CIITA: variants seen among roughly 807,000 people sequenced by gnomAD.
CIITA encodes the protein MHC class II transactivator.
CIITA carries 72 observed loss-of-function variants against 115.1 expected under a neutral mutation model. The ratio of observed to expected loss-of-function variants is 0.63; its 90% CI spans 0.52 to 0.76. The LOEUF (loss-of-function observed/expected upper bound fraction) is 0.76, where lower values mean the gene tolerates loss of function less well. CIITA is among the 30% of genes least tolerant of loss of function. The pLI, the probability that CIITA is intolerant of heterozygous loss-of-function variation, is 0.00. For missense variants in CIITA, 1,617 were observed against 1,463.8 expected (o/e 1.10, Z -1.71); for synonymous variants, 763 against 635.6 (o/e 1.20, Z -3.02).
At position 10,901,647 on chromosome 16, in the gene CIITA, G is replaced by T. The variant is rs576251659; in HGVS notation, c.481+89G>T. 1.5e-6 allele frequency: 2 copies of T among 1,376,124 alleles called. No individual in the cohort carries two copies. Among genetic ancestry groups the T allele is most frequent in the South Asian group, 2.4e-5 (2 of 82,750 alleles). The allele number at this position is 1,376,124 out of a possible 1,614,324, so 85.2% of individuals were successfully genotyped here. A position where few individuals can be genotyped will look rare whatever the true frequency, so the allele number is the denominator to read the frequency against. On this transcript the variant is annotated intron_variant, in intron 6 of 19. Coordinates refer to ENST00000324288, the MANE Select transcript of CIITA (RefSeq NM_000246.4). The surrounding 1 kb of genome is among the most constrained non-coding windows in gnomAD (Gnocchi z 6.8). ...TTGAACTCCTGGCCCAAGTCTGATG[G>T]GGATGGTGCATGGTGCAGCCCCTGC...
At chr16:10,886,546 A>G (rs2036971660) in intron 1 of CIITA, among the ~76,000 whole-genome samples, 1 of 152,142 alleles carries the variant, frequency 6.6e-6, no homozygotes, top group South Asian at 2.1e-4. Context: ...GATATTCTAC[A>G]TGATGCCAGG....
chr16:10,888,674 G>A (rs1441054934), intron 1 of CIITA: 1 of 152,258 alleles, frequency 6.6e-6, no homozygotes. Context: ...GTGGAAGGTG[G>A]TGGCCCAGGG....
chr16:10,889,919 G>C (rs1007832641), intron 1 of CIITA, among the ~76,000 whole-genome samples: 1 of 152,240 alleles, frequency 6.6e-6, no homozygotes, highest in Non-Finnish European at 1.5e-5. Context: ...CCTTGGACAA[G>C]CCATTTCACT....
intron 1 of CIITA, among the ~76,000 whole-genome samples, chr16:10,868,253 C>A (rs1326307281): frequency 6.6e-6 from 1 of 152,188 alleles, no homozygotes; most frequent in Non-Finnish European, 1.5e-5. Context: ...AAGAAGAAAA[C>A]AGACTCTGCC....
chr16:10,895,337 G>A lies in CIITA; in HGVS notation c.108G>A (p.Glu36=). ...ELGPLEGGYL[E]LLNSDADPLC... ...GGCCCCTAGAAGGTGGCTACCTGGA[G>A]CTTCTTAACAGCGATGCTGACCCCC... Residue 36 remains glutamate, a synonymous_variant, in exon 2 of 20, where the codon GAG becomes GAA. Transcript: ENST00000324288. The A allele has an allele frequency of 1.2e-6, 2 of 1,614,092 alleles. No individual in the cohort carries two copies. The highest frequency in any genetic ancestry group is 1.7e-6 in the Non-Finnish European group (2 of 1,180,016).
At chr16:10,916,671 G>C (rs2039970545) in intron 15 of CIITA, 1 of 591,682 alleles carries the variant, frequency 1.7e-6, no homozygotes, top group Non-Finnish European at 3.1e-6. Flanking sequence ...GATTATAGGT[G>C]TGACTTACCA....
At position 10,942,265 on chromosome 16, in the gene CIITA, G is replaced by A; in HGVS notation, n.1391G>A. The A allele has an allele frequency of 8.7e-6, 3 of 343,464 alleles. No homozygotes were observed. The highest frequency in any genetic ancestry group is 1.6e-5 in the Non-Finnish European group (3 of 189,300). 21.3% of individuals were successfully genotyped at this position (343,464 alleles called of 1,614,324 possible). On this transcript the variant is annotated non_coding_transcript_exon_variant, in exon 2 of 2. Transcript: ENST00000573379. The surrounding 1 kb of genome is among the most constrained non-coding windows in gnomAD (Gnocchi z 5.0). Reference sequence around the variant, plus strand: ...GGCGGGCCCCCCTGAAGTGGCCCGCGGCTGCCCGGCTCCCTCGTGGCGCCT... The same window carrying A: ...GGCGGGCCCCCCTGAAGTGGCCCGCAGCTGCCCGGCTCCCTCGTGGCGCCT...
chr16:10,900,678 T>G (rs140314435), intron 5 of CIITA, among the ~76,000 whole-genome samples: 13,028 of 151,522 alleles, frequency 0.086, 611 homozygotes, highest in Middle Eastern at 0.14. Flanking sequence ...AAGCAGAGGT[T>G]GCAGTGAGCC....
At chr16:10,908,995 C>T (rs371266441) in intron 11 of CIITA, 34 bp from the exon 12 acceptor site, 149 of 1,613,706 alleles carry the variant, frequency 9.2e-5, no homozygotes, top group Non-Finnish European at 1.2e-4. Flanking sequence ...CTAGCCTGGT[C>T]ACCGTGCCTG....
chr16:10,893,499 T>A (rs529453527), intron 1 of CIITA, among the ~76,000 whole-genome samples: 1 of 152,146 alleles, frequency 6.6e-6, no homozygotes. Flanking sequence ...TTTATTGAGA[T>A]GTAATTCACA....
Position 10,915,588 on chromosome 16 carries a change from C to G in CIITA, c.2907C>G (p.Gly969=), listed in dbSNP as rs1477443427. ...KLEFALGPVS[G]PQAFPKLVRI... is the part of the protein sequence containing the mutation. The stretch of plus-strand genomic sequence containing the variant: ...CTCCTAGGCTGGGCCCTGTCTCAGG[C>G]CCCCAGGCTTTCCCCAAACTGGTGC... Residue 969 remains glycine (G), a synonymous_variant, in exon 14 of 20, where the codon GGC becomes GGG. Coordinates refer to ENST00000324288, the MANE Select transcript of CIITA (RefSeq NM_000246.4). The G allele has an allele frequency of 6.2e-7, 1 of 1,613,920 alleles. No individual in the cohort carries two copies. Among genetic ancestry groups the G allele is most frequent in the East Asian group, 2.2e-5 (1 of 44,876 alleles).
At chr16:10,905,458 A>T (rs891903204) in intron 10 of CIITA, among the ~76,000 whole-genome samples, 1 of 152,164 alleles carries the variant, frequency 6.6e-6, no homozygotes, top group Admixed American at 6.5e-5. Context: ...TTAGTGAGTA[A>T]ATGAAGGAAT....
Position 10,902,163 on chromosome 16 carries a change from G to A in CIITA, c.607G>A (p.Glu203Lys), listed in dbSNP as rs529296576. ...QEPASGQMRL[E>K]KTDQIPMPFS... ...GCCAGCCTCCGGCCAGATGCGCCTG[G>A]AGAAAACCGACCAGATTCCCAGTAT... The change falls in exon 7 of 20, where the codon GAG becomes AAG. Residue 203 changes from glutamate to lysine, a missense_variant. By Grantham distance (56) the Glu-to-Lys change is moderately conservative. Coordinates refer to ENST00000324288, the MANE Select transcript of CIITA (RefSeq NM_000246.4). 9 of 1,614,032 alleles carry A rather than the reference G, an allele frequency of 5.6e-6. No individual in the cohort carries two copies. The highest frequency in any genetic ancestry group is 5.0e-5 in the Admixed American group (3 of 60,004).
intron 4 of CIITA, 72 bp from the exon 5 acceptor site, chr16:10,898,853 G>T (rs1213797674): frequency 2.5e-6 from 4 of 1,592,254 alleles, no homozygotes; most frequent in Admixed American, 3.3e-5. Flanking sequence ...TCTCCCCAAG[G>T]TGGGTACAAT....
chr16:10,896,340 C>T (rs2038119765), intron 3 of CIITA, among the ~76,000 whole-genome samples: 1 of 152,180 alleles, frequency 6.6e-6, no homozygotes, highest in Admixed American at 6.5e-5. Flanking sequence ...TAACCTAGGT[C>T]TTTCTCGTTT....
chr16:10,929,285 G>A lies in CIITA; in HGVS notation c.*5430G>A, dbSNP rs1364599383. ...GAAGTGTCCTCTCCGAAGGTGAAGT[G>A]GGGGAAGCAGGTGCGCTCCGGGATG... On this transcript the variant is annotated 3_prime_UTR_variant, in exon 20 of 20. Transcript: ENST00000324288. The surrounding 1 kb of genome is among the most constrained non-coding windows in gnomAD (Gnocchi z 4.3). 7.1e-6 allele frequency: 7 copies of A among 985,970 alleles called. No individual in the cohort carries two copies. Among genetic ancestry groups the A allele is most frequent in the Non-Finnish European group, 8.4e-6 (7 of 829,988 alleles). The allele number at this position is 985,970 out of a possible 1,614,324, so 61.1% of individuals were successfully genotyped here.
At chr16:10,921,763 T>G (rs2040283663) in intron 16 of CIITA, among the ~76,000 whole-genome samples, 1 of 152,190 alleles carries the variant, frequency 6.6e-6, no homozygotes, top group Admixed American at 6.5e-5. Context: ...AGAGAAGTGG[T>G]CTCAACTCTC....
At chr16:10,877,429 G>T in intron 1 of CIITA, 47 bp downstream of exon 1, 3 of 1,569,824 alleles carry the variant, frequency 1.9e-6, no homozygotes, top group African/African-American at 2.7e-5. Flanking sequence ...AGTCTCAGCT[G>T]GTCCTGCCAT....
At position 10,879,066 on chromosome 16, in the gene CIITA, T is replaced by C. The variant is rs112299260; in HGVS notation, c.52+1684T>C. ...CGGTAGGTGACCAAAGTCTCCTCTG[T>C]AACCCCTAAGGTCGGGCTGAGAATC... On this transcript the variant is annotated intron_variant, in intron 1 of 19. Coordinates refer to ENST00000324288, the MANE Select transcript of CIITA (RefSeq NM_000246.4). The surrounding 1 kb of genome is among the most constrained non-coding windows in gnomAD (Gnocchi z 4.3). 43 of 204,338 alleles carry C rather than the reference T, an allele frequency of 2.1e-4. No homozygotes were observed. Among genetic ancestry groups the C allele is most frequent in the African/African-American group, 9.4e-4 (41 of 43,618 alleles). 12.7% of individuals were successfully genotyped at this position (204,338 alleles called of 1,614,324 possible).
Sources: allele counts gnomAD v4.1 joint callset (sites outside exome capture counted in the v4.1 genomes callset), GRCh38; gene constraint gnomAD v4.1.1; non-coding constraint Gnocchi (gnomAD v3.1); transcripts MANE v1.5; gene names NCBI Gene and HGNC (gene_info 2026-07-23, HGNC 2026-07-21).